GPR132: variants seen among roughly 807,000 people sequenced by gnomAD.
GPR132 encodes the protein probable G protein-coupled receptor 132.
In GPR132, 4 loss-of-function variants were observed where a neutral mutation model predicts 1.9. The observed-to-expected ratio is 2.13, with a 90% confidence interval of 1.05 to 4.87. The LOEUF is 4.87. GPR132 is among the 30% of genes most tolerant of loss of function. GPR132 has a pLI of 0.01. For synonymous variants in GPR132, 233 were observed against 234.2 expected, an observed-to-expected ratio of 0.99 and a Z score of 0.05; for missense variants, 404 against 512.5, an observed-to-expected ratio of 0.79 and a Z score of 2.04.
intron 3 of GPR132, among the ~76,000 whole-genome samples, chr14:105,054,657 C>G (rs1886740209): frequency 6.6e-6 from 1 of 151,150 alleles, no homozygotes. Context: ...TCTTGAACTC[C>G]TGACCTTGGG....
Position 105,056,586 on chromosome 14 carries a change from C to G in GPR132, c.-746-420G>C, listed in dbSNP as rs1233030684. Among the ~76,000 whole-genome samples, 1 of 152,242 alleles carries G rather than the reference C, an allele frequency of 6.6e-6. No individual in the cohort carries two copies. Among genetic ancestry groups the G allele is most frequent in the South Asian group, 2.1e-4 (1 of 4,838 alleles). On this transcript the variant is annotated intron_variant, in intron 2 of 3. Transcript: ENST00000329797. This position sits in a 1 kb window ranked among gnomAD's most constrained non-coding sequence, Gnocchi z 6.0. ...CCTACGGCTCCCCCACCCCACACATCGTCGCCCGTGCGGTCTCAGTCAGGG... is the reference window on the plus strand; with the variant it reads ...CCTACGGCTCCCCCACCCCACACATGGTCGCCCGTGCGGTCTCAGTCAGGG...
intron 1 of GPR132, among the ~76,000 whole-genome samples, chr14:105,058,293 A>C (rs1437294917): frequency 1.3e-5 from 2 of 152,130 alleles, no homozygotes; most frequent in African/African-American, 4.8e-5. Flanking sequence ...CCCAGGAGGT[A>C]GGGGTTGCAG....
At chr14:105,057,746 T>C (rs186605259) in intron 1 of GPR132, among the ~76,000 whole-genome samples, 338 of 149,758 alleles carry the variant, frequency 2.3e-3, no homozygotes, top group Non-Finnish European at 3.8e-3. Context: ...TGGAGTGCAA[T>C]GGCATGATCT....
At chr14:105,054,810 TG>T (rs1566734083) in intron 3 of GPR132, among the ~76,000 whole-genome samples, 1 of 149,160 alleles carries the variant, frequency 6.7e-6, no homozygotes, top group African/African-American at 2.5e-5. Flanking sequence ...GAGGCCAGGG[TG>T]GGGAGATCAC....
At chr14:105,052,665 T>C (rs1259748994) in intron 3 of GPR132, among the ~76,000 whole-genome samples, 1 of 151,518 alleles carries the variant, frequency 6.6e-6, no homozygotes, top group African/African-American at 2.4e-5. Context: ...TTTTCAAAAA[T>C]GTTGCTTCTG....
Position 105,051,704 on chromosome 14 carries a change from C to T in GPR132, c.433G>A (p.Val145Met). The change falls in exon 4 of 4, where the codon GTG (valine) becomes ATG (methionine). Residue 145 changes from valine (V) to methionine (M), a missense_variant. Transcript: ENST00000329797. The surrounding 1 kb of genome is among the most constrained non-coding windows in gnomAD (Gnocchi z 8.0). ...CISCDRFVAV[V>M]YALESRGRRR... is the part of the protein sequence containing the mutation. ...CGGCCCCGACTCTCCAGCGCGTACA[C>T]CACGGCCACGAAGCGGTCGCAGGAG... 6.2e-7 allele frequency: 1 copy of T among 1,614,030 alleles called. No individual in the cohort carries two copies. Among genetic ancestry groups the T allele is most frequent in the Non-Finnish European group, 8.5e-7 (1 of 1,180,040 alleles).
rs1886926983 is a variant in GPR132, at chr14:105,060,978, G to A, written c.-860-3698C>T. On this transcript the variant is annotated intron_variant, in intron 1 of 3. Transcript: ENST00000329797. The surrounding 1 kb of genome is among the most constrained non-coding windows in gnomAD (Gnocchi z 6.3). The stretch of plus-strand genomic sequence containing the variant: ...GAGACTAGCCAGGGGCAGAGCCGGA[G>A]CCACCTTCCCATCCAGCTGGTCCCA... 2.0e-5 allele frequency among the ~76,000 whole-genome samples: 3 copies of A among 152,274 alleles called. No homozygotes were observed. In the South Asian group the frequency reaches 6.2e-4, roughly 32 times the overall value.
intron 1 of GPR132, among the ~76,000 whole-genome samples, chr14:105,062,521 CTTTCT>C (rs1555365191): frequency 3.6e-4 from 54 of 147,952 alleles, no homozygotes; most frequent in African/African-American, 8.2e-4. Context: ...TCTTTCTTTT[CTTTCT>C]TTTCTTTTCT....
In GPR132 at chr14:105,055,821, G is replaced by A. The variant is rs906149613; in HGVS notation, c.-401C>T. On this transcript the variant is annotated 5_prime_UTR_variant, in exon 3 of 4. The change creates a new upstream start codon in the 5' untranslated region. Coordinates refer to ENST00000329797, the MANE Select transcript of GPR132 (RefSeq NM_013345.4). This position sits in a 1 kb window ranked among gnomAD's most constrained non-coding sequence, Gnocchi z 4.7. Reference sequence around the variant, plus strand: ...TCTTGAGCAATCCTGCACGTGTGGCGTGTGGCGTGTGGCGTGTGGCGTGTT... The same window carrying A: ...TCTTGAGCAATCCTGCACGTGTGGCATGTGGCGTGTGGCGTGTGGCGTGTT... 1.0e-4 allele frequency: 19 copies of A among 187,430 alleles called. No homozygotes were observed. The highest frequency in any genetic ancestry group is 5.2e-4 in the East Asian group (4 of 7,686). The allele number at this position is 187,430 out of a possible 1,614,324, so 11.6% of individuals were successfully genotyped here.
chr14:105,063,865 G>A (rs1261750343), intron 1 of GPR132, among the ~76,000 whole-genome samples: 1 of 151,172 alleles, frequency 6.6e-6, no homozygotes, highest in Non-Finnish European at 1.5e-5. Flanking sequence ...TTGAGACAGA[G>A]TTTCGCTCTC....
rs568618534 is a variant in GPR132, at chr14:105,060,529, C to G, written c.-860-3249G>C. ...ATACTCTTGCTCGCTGGTGTCTACT[C>G]CGATTCTGCAGCCGCCCCCTCCCCA... On this transcript the variant is annotated intron_variant, in intron 1 of 3. Transcript: ENST00000329797. The surrounding 1 kb of genome is among the most constrained non-coding windows in gnomAD (Gnocchi z 6.3). Among the ~76,000 whole-genome samples, 6 of 152,312 alleles carry G rather than the reference C, an allele frequency of 3.9e-5. No individual in the cohort carries two copies. In the South Asian group the frequency reaches 6.2e-4, roughly 16 times the overall value.
Position 105,051,206 on chromosome 14 carries a change from C to CCAG in GPR132, c.928_930dup (p.Leu310dup). On this transcript the variant is annotated inframe_insertion, in exon 4 of 4. Transcript: ENST00000329797. The surrounding 1 kb of genome is among the most constrained non-coding windows in gnomAD (Gnocchi z 8.0). Reference sequence around the variant, plus strand: ...ACTTCTTGGCGGGAATGGTCCGTGGCCAGCACGTAGATAATGGGGTCAGCC... The same window carrying CCAG: ...ACTTCTTGGCGGGAATGGTCCGTGGCCAGCAGCACGTAGATAATGGGGTCAGCC... The CCAG allele has an allele frequency of 6.2e-7, 1 of 1,614,024 alleles. No homozygotes were observed. Among genetic ancestry groups the CCAG allele is most frequent in the Admixed American group, 1.7e-5 (1 of 60,006 alleles).
Position 105,059,413 on chromosome 14 carries a change from G to T in GPR132, c.-860-2133C>A, listed in dbSNP as rs1886882418. Among the ~76,000 whole-genome samples, 3 of 152,196 alleles carry T rather than the reference G, an allele frequency of 2.0e-5. No homozygotes were observed. On this transcript the variant is annotated intron_variant, in intron 1 of 3. Transcript: ENST00000329797. The surrounding 1 kb of genome is among the most constrained non-coding windows in gnomAD (Gnocchi z 4.2). ...TCAAGTATATTTCTGTGAAAGGAAA[G>T]TATCTTGGGCCCCTTCAAGCTGGGA... is the stretch of plus-strand genomic sequence containing the variant.
Position 105,050,773 on chromosome 14 carries a change from C to T in GPR132, c.*221G>A, listed in dbSNP as rs1394436145. 11 of 572,368 alleles carry T rather than the reference C, an allele frequency of 1.9e-5. No individual in the cohort carries two copies. The highest frequency in any genetic ancestry group is 3.7e-5 in the African/African-American group (2 of 53,506). The allele number at this position is 572,368 out of a possible 1,614,324, so 35.5% of individuals were successfully genotyped here. ...GCCTGCCACATGCTCTCTGGGCTCC[C>T]GGAAGCCTGGAGGTGTCGCTCCTCC... On this transcript the variant is annotated 3_prime_UTR_variant, in exon 4 of 4. Transcript: ENST00000329797. The surrounding 1 kb of genome is among the most constrained non-coding windows in gnomAD (Gnocchi z 4.0).
chr14:105,051,696 C>T lies in GPR132; in HGVS notation c.441G>A (p.Ala147=), dbSNP rs745430968. Residue 147 remains alanine, a synonymous_variant, in exon 4 of 4, where the codon GCG becomes GCA. Transcript: ENST00000329797. This position sits in a 1 kb window ranked among gnomAD's most constrained non-coding sequence, Gnocchi z 8.0. The part of the protein sequence containing the change: ...SCDRFVAVVY[A]LESRGRRRRR... ...GGCGGCGGCGGCCCCGACTCTCCAG[C>T]GCGTACACCACGGCCACGAAGCGGT... 47 of 1,613,868 alleles carry T rather than the reference C, an allele frequency of 2.9e-5. No individual in the cohort carries two copies. The highest frequency in any genetic ancestry group is 5.3e-5 in the African/African-American group (4 of 74,936).
At chr14:105,064,166 C>T (rs1372964338) in intron 1 of GPR132, among the ~76,000 whole-genome samples, 1 of 152,034 alleles carries the variant, frequency 6.6e-6, no homozygotes, top group Non-Finnish European at 1.5e-5. Flanking sequence ...TAAGCTGTTT[C>T]ACGGTTGCTG....
rs555642260 is a variant in GPR132 at position 105,061,307 on chromosome 14, C to T, written c.-860-4027G>A. Reference sequence around the variant, plus strand: ...GTCTGGCATTCCCTGCCGGACAGGCCCACAGCCTCAGGCAGCCCACCGGCC... The same window carrying T: ...GTCTGGCATTCCCTGCCGGACAGGCTCACAGCCTCAGGCAGCCCACCGGCC... On this transcript the variant is annotated intron_variant, in intron 1 of 3. Coordinates refer to ENST00000329797, the MANE Select transcript of GPR132 (RefSeq NM_013345.4). Among the ~76,000 whole-genome samples, 29 of 152,332 alleles carry T rather than the reference C, an allele frequency of 1.9e-4. No homozygotes were observed. In the East Asian group the frequency reaches 5.4e-3, roughly 28 times the overall value.
At chr14:105,062,567 G>A (rs1886975382) in intron 1 of GPR132, among the ~76,000 whole-genome samples, 1 of 120,958 alleles carries the variant, frequency 8.3e-6, no homozygotes, top group Non-Finnish European at 1.7e-5. Context: ...TTGAGATGGA[G>A]TCTTGCTCTG....
At chr14:105,063,222 A>G (rs1396914796) in intron 1 of GPR132, among the ~76,000 whole-genome samples, 1 of 150,878 alleles carries the variant, frequency 6.6e-6, no homozygotes, top group African/African-American at 2.4e-5. Flanking sequence ...TGCCCGGCCA[A>G]TGAATCCATT....
Sources: allele counts gnomAD v4.1 joint callset (sites outside exome capture counted in the v4.1 genomes callset), GRCh38; gene constraint gnomAD v4.1.1; non-coding constraint Gnocchi (gnomAD v3.1); transcripts MANE v1.5; gene names NCBI Gene and HGNC (gene_info 2026-07-23, HGNC 2026-07-21).